TSEN15: variants seen among roughly 807,000 people sequenced by gnomAD.
TSEN15 encodes the protein tRNA-splicing endonuclease subunit Sen15.
A neutral mutation model predicts 20.5 loss-of-function variants in TSEN15; 10 were observed. The ratio of observed to expected loss-of-function variants is 0.49; its 90% CI spans 0.30 to 0.83. The LOEUF is 0.83. Ranked by LOEUF, TSEN15 falls within the 40% of genes least tolerant of loss-of-function variation. The pLI, the probability that TSEN15 is intolerant of heterozygous loss-of-function variation, is 0.06. For synonymous variants in TSEN15, 72 were observed against 80.1 expected (o/e 0.90, Z 0.54); for missense variants, 180 against 218.6 (o/e 0.82, Z 1.11).
downstream of TSEN15, among the ~76,000 whole-genome samples, chr1:184,076,777 A>C (rs1651068815): frequency 6.6e-6 from 1 of 152,178 alleles, no homozygotes; most frequent in Non-Finnish European, 1.5e-5. Context: ...AGAGAAGATC[A>C]AACCAGCTAC....
intron 3 of TSEN15, chr1:184,095,666 T>C (rs975285650): frequency 2.5e-6 from 1 of 395,310 alleles, no homozygotes; most frequent in Non-Finnish European, 4.4e-6. Context: ...TCTCTCTCTC[T>C]CTGTGTCTCT....
chr1:184,072,953 G>A lies in TSEN15; in HGVS notation c.*106G>A. 1.8e-6 allele frequency: 2 copies of A among 1,098,616 alleles called. No individual in the cohort carries two copies. The highest frequency in any genetic ancestry group is 2.6e-6 in the Non-Finnish European group (2 of 757,100). The allele number at this position is 1,098,616 out of a possible 1,614,324, so 68.1% of individuals were successfully genotyped here. On this transcript the variant is annotated 3_prime_UTR_variant, in exon 5 of 5. Transcript: ENST00000645668. Reference sequence around the variant, plus strand: ...AAATAGGGTTGACGTACATAGTGAGGGTTGACTTCCCCATTCCATAAGGTT... The same window carrying A: ...AAATAGGGTTGACGTACATAGTGAGAGTTGACTTCCCCATTCCATAAGGTT...
intron 3 of TSEN15, among the ~76,000 whole-genome samples, chr1:184,091,335 G>A (rs1270211029): frequency 1.3e-5 from 2 of 151,742 alleles, no homozygotes; most frequent in Non-Finnish European, 2.9e-5. Flanking sequence ...TATATATATG[G>A]TATAGTATAG....
At chr1:184,057,054 A>C (rs983211578) in intron 3 of TSEN15, among the ~76,000 whole-genome samples, 1 of 152,128 alleles carries the variant, frequency 6.6e-6, no homozygotes, top group African/African-American at 2.4e-5. Context: ...CTAATGAATA[A>C]AATTTGGCAA....
chr1:184,054,916 C>T, intron 3 of TSEN15, 53 bp downstream of exon 3: 1 of 1,564,430 alleles, frequency 6.4e-7, no homozygotes, highest in Non-Finnish European at 8.7e-7. Context: ...CAGTAGGAAA[C>T]ATTAAACATA....
At chr1:184,054,315 T>A in intron 1 of TSEN15, 39 bp from the exon 2 acceptor site, 1 of 1,270,416 alleles carries the variant, frequency 7.9e-7, no homozygotes, top group African/African-American at 1.5e-5. Context: ...ATTAAATAAT[T>A]TTTTCTTCTC....
At chr1:184,094,798 C>T (rs572082133) in intron 3 of TSEN15, 1 of 378,978 alleles carries the variant, frequency 2.6e-6, no homozygotes, top group South Asian at 1.5e-4. Flanking sequence ...CATCAGTCTC[C>T]AGAGACTACC....
At chr1:184,054,240 A>G (rs1557876873) in intron 1 of TSEN15, 114 bp from the exon 2 acceptor site, 2 of 628,886 alleles carry the variant, frequency 3.2e-6, no homozygotes, top group East Asian at 5.9e-5. Flanking sequence ...TTTAACTTCC[A>G]CTATACCTAG....
Position 184,054,359 on chromosome 1 carries a change from A to G in TSEN15, c.141A>G (p.Leu47=). 3 of 1,576,514 alleles carry G rather than the reference A, an allele frequency of 1.9e-6. No homozygotes were observed. The highest frequency in any genetic ancestry group is 2.2e-5 in the East Asian group (1 of 44,584). ...AATTATATTTTAATTTTCAGTATCTAGAAATGATGGAATTAGATATAGGAG... is the reference window on the plus strand; with the variant it reads ...AATTATATTTTAATTTTCAGTATCTGGAAATGATGGAATTAGATATAGGAG... The part of the protein sequence containing the change: ...DAWMGTHPKY[L]EMMELDIGDA... Residue 47 remains leucine (L), a synonymous_variant, in exon 2 of 5, where the codon CTA becomes CTG. Transcript: ENST00000645668.
chr1:184,075,790 A>G (rs114407801), downstream of TSEN15, among the ~76,000 whole-genome samples: 1 of 151,886 alleles, frequency 6.6e-6, no homozygotes, highest in Admixed American at 6.6e-5. Flanking sequence ...CTCTAAAATT[A>G]TACTGACATT....
chr1:184,080,473 G>T (rs1651145563), intron 3 of TSEN15, among the ~76,000 whole-genome samples: 1 of 152,130 alleles, frequency 6.6e-6, no homozygotes. Context: ...ATATATTAGT[G>T]TGTGCCAAAG....
At chr1:184,057,536 A>G (rs1004541437) in intron 3 of TSEN15, among the ~76,000 whole-genome samples, 1 of 152,062 alleles carries the variant, frequency 6.6e-6, no homozygotes, top group Non-Finnish European at 1.5e-5. Context: ...GACACTTAAC[A>G]TTTTGTTTGA....
chr1:184,062,228 G>A (rs1191894235), intron 3 of TSEN15, among the ~76,000 whole-genome samples: 1 of 151,972 alleles, frequency 6.6e-6, no homozygotes, highest in Non-Finnish European at 1.5e-5. Context: ...GCATTATAAT[G>A]CCATATTAAG....
chr1:184,057,005 C>T (rs1410175537), intron 3 of TSEN15, among the ~76,000 whole-genome samples: 2 of 152,108 alleles, frequency 1.3e-5, no homozygotes, highest in East Asian at 3.9e-4. Flanking sequence ...TTATGTAACT[C>T]TCTTCCCTTG....
In TSEN15 at chr1:184,054,658, G is replaced by C. The variant is rs185776340; in HGVS notation, c.218-70G>C. 1.5e-3 allele frequency: 2,254 copies of C among 1,531,368 alleles called. 14 individuals carry two copies. Among genetic ancestry groups the C allele is most frequent in the African/African-American group, 7.2e-3 (520 of 72,456 alleles). 94.9% of individuals were successfully genotyped at this position (1,531,368 alleles called of 1,614,324 possible). A position where few individuals can be genotyped will look rare whatever the true frequency, so the allele number is the denominator to read the frequency against. On this transcript the variant is annotated intron_variant, in intron 2 of 4. Transcript: ENST00000645668. ...GTGATATTTGCTCAGCTGAGTATTA[G>C]GTAGAAGTTTGGAGTTTTTATTTTT...
At position 184,073,151 on chromosome 1, in the gene TSEN15, C is replaced by G; in HGVS notation, c.*304C>G. 1 of 278,724 alleles carries G rather than the reference C, an allele frequency of 3.6e-6. No homozygotes were observed. Among genetic ancestry groups the G allele is most frequent in the Non-Finnish European group, 6.6e-6 (1 of 150,878 alleles). 17.3% of individuals were successfully genotyped at this position (278,724 alleles called of 1,614,324 possible). On this transcript the variant is annotated 3_prime_UTR_variant, in exon 5 of 5. Transcript: ENST00000645668. ...GACCTGTGTGCTGCTTTTGTCATCC[C>G]ACACTCAAAGTTGTCTCTTTGTTTC... is the stretch of plus-strand genomic sequence containing the variant.
At chr1:184,086,974 T>G (rs908706961) in intron 3 of TSEN15, among the ~76,000 whole-genome samples, 2 of 152,096 alleles carry the variant, frequency 1.3e-5, no homozygotes, top group Non-Finnish European at 2.9e-5. Flanking sequence ...ACAGGTGGGA[T>G]GGGGTGTGAT....
chr1:184,092,100 C>G (rs768070249), intron 3 of TSEN15, among the ~76,000 whole-genome samples: 5 of 152,168 alleles, frequency 3.3e-5, no homozygotes, highest in African/African-American at 7.2e-5. Context: ...CCTGACAAGT[C>G]TTTATCTCCA....
At chr1:184,061,967 G>A (rs920159015) in intron 3 of TSEN15, among the ~76,000 whole-genome samples, 1 of 152,124 alleles carries the variant, frequency 6.6e-6, no homozygotes, top group African/African-American at 2.4e-5. Flanking sequence ...TATGATATGT[G>A]ATCACAGTTA....
Sources: gnomAD v4.1 joint callset for allele counts (sites outside exome capture counted in the v4.1 genomes callset) on GRCh38, gnomAD v4.1.1 for gene constraint, MANE v1.5 for transcripts, NCBI Gene and HGNC (gene_info 2026-07-23, HGNC 2026-07-21) for gene names.